The following TLN1 variants were observed in gnomAD, a reference collection of about 807,000 sequenced individuals.
TLN1 encodes the protein talin-1.
TLN1 carries 56 observed loss-of-function variants against 292.3 expected under a neutral mutation model. That is an observed-to-expected ratio of 0.19 (90% CI 0.15 to 0.24). The LOEUF (loss-of-function observed/expected upper bound fraction) is 0.24, where lower values mean the gene tolerates loss of function less well. Among genes scored for constraint, TLN1 ranks in the 10% least tolerant of loss-of-function variants. TLN1 has a pLI of 1.00. For synonymous variants in TLN1, 1,119 were observed against 1,253.7 expected, an observed-to-expected ratio of 0.89 and a Z score of 2.27; for missense variants, 2,433 against 3,248.2, an observed-to-expected ratio of 0.75 and a Z score of 6.10.
chr9:35,720,209 G>A lies in TLN1; in HGVS notation c.1294C>T (p.Leu432=). 1 of 1,593,058 alleles carries A rather than the reference G, an allele frequency of 6.3e-7. No homozygotes were observed. The highest frequency in any genetic ancestry group is 8.5e-7 in the Non-Finnish European group (1 of 1,170,464). ...CCCACCCGGTTGTATTGCTGCTGCA[G>A]GACTGTTGACCTGTAGAGGGGTGAA... ...DSVSPKKSTV[L]QQQYNRVGKV... The change falls in exon 13 of 57, where the codon CTG becomes TTG. Residue 432 remains leucine (L), a synonymous_variant. Transcript: ENST00000314888.
chr9:35,705,007 G>T (rs909304), intron 43 of TLN1, among the ~76,000 whole-genome samples, 192 bp from the exon 44 acceptor site: 2,575 of 152,312 alleles, frequency 0.017, 66 homozygotes, highest in African/African-American at 0.059. Flanking sequence ...CCTACACACA[G>T]AAAATAGTAG....
In TLN1 at chr9:35,713,289, A is replaced by C; in HGVS notation, c.3259T>G (p.Cys1087Gly). The C allele has an allele frequency of 1.3e-6, 2 of 1,589,500 alleles. No individual in the cohort carries two copies. The highest frequency in any genetic ancestry group is 1.7e-6 in the Non-Finnish European group (2 of 1,159,642). ...KPLPGETMEK[C>G]TQDLGNSTKA... ...GTGCTGTTGCCCAGGTCCTGGGTAC[A>C]CTTCTCCATCTAAGGATGAAGGGGG... The change falls in exon 26 of 57, where the codon TGT (cysteine) becomes GGT (glycine). Residue 1087 changes from cysteine (C) to glycine (G), a missense_variant. Physicochemically the swap from Cys to Gly is radical, Grantham distance 159. This residue lies in a region of TLN1 where 1,384 missense variants were observed against 1,699.6 expected (regional missense o/e 0.81). Coordinates refer to ENST00000314888, the MANE Select transcript of TLN1 (RefSeq NM_006289.4).
At chr9:35,723,237 G>T (rs10814273) in intron 7 of TLN1, 66,429 of 250,406 alleles carry the variant, frequency 0.27, 9,353 homozygotes, top group Admixed American at 0.3. Flanking sequence ...GAGTAGCTGG[G>T]ATTACAGGCA....
At position 35,708,400 on chromosome 9, in the gene TLN1, T is replaced by G. The variant is rs1302104297; in HGVS notation, c.4411A>C (p.Asn1471His). Reference protein sequence around the residue: ...LVEPTQFARANQAIQMACQSL... With the variant: ...LVEPTQFARAHQAIQMACQSL... ...TGGCAGGCCATCTGAATTGCCTGGTTTGCACGGGCAAACTGTGTGGGCTCC... is the reference window on the plus strand; with the variant it reads ...TGGCAGGCCATCTGAATTGCCTGGTGTGCACGGGCAAACTGTGTGGGCTCC... Residue 1471 changes from asparagine (N) to histidine (H), a missense_variant, in exon 34 of 57, where the codon AAC (asparagine) becomes CAC (histidine). By Grantham distance (68) the Asn-to-His change is moderately conservative. This residue lies in a region of TLN1 where 1,384 missense variants were observed against 1,699.6 expected (regional missense o/e 0.81). Coordinates refer to ENST00000314888, the MANE Select transcript of TLN1 (RefSeq NM_006289.4). 6.2e-7 allele frequency: 1 copy of G among 1,611,386 alleles called. No individual in the cohort carries two copies. Among genetic ancestry groups the G allele is most frequent in the Non-Finnish European group, 8.5e-7 (1 of 1,178,632 alleles).
rs571864328 is a variant in TLN1 at position 35,706,828 on chromosome 9, G to A, written c.5028C>T (p.Asp1676=). The A allele has an allele frequency of 2.5e-6, 4 of 1,614,018 alleles. No homozygotes were observed. The East Asian group carries it at 8.9e-5, about 36-fold the overall frequency. ...GGCTGACTGCAGCGAGGGAAGCCTG[G>A]TCTAGGTCCCGTAGACAACTGTTCA... ...AALNSCLRDL[D]QASLAAVSQQ... The change falls in exon 38 of 57, where the codon GAC becomes GAT. Residue 1676 remains aspartate, a synonymous_variant. Coordinates refer to ENST00000314888, the MANE Select transcript of TLN1 (RefSeq NM_006289.4). The surrounding 1 kb of genome is among the most constrained non-coding windows in gnomAD (Gnocchi z 4.2).
rs755284532 is a variant in TLN1, at chr9:35,713,547, G to T, written c.3250-249C>A. Among the ~76,000 whole-genome samples the T allele has an allele frequency of 2.8e-4, 42 of 152,190 alleles. 1 individual carries two copies. The highest frequency in any genetic ancestry group is 7.2e-4 in the Admixed American group (11 of 15,278). The stretch of plus-strand genomic sequence containing the variant: ...AAAAATACAAAAATTAGCCAGGCGT[G>T]GTGGTGCATGCCTGTAATCCCAGCT... On this transcript the variant is annotated intron_variant, in intron 25 of 56. Transcript: ENST00000314888.
Position 35,717,679 on chromosome 9 carries a change from T to C in TLN1, c.2103A>G (p.Gln701=), listed in dbSNP as rs879130999. The C allele has an allele frequency of 1.9e-6, 3 of 1,614,164 alleles. No homozygotes were observed. The highest frequency in any genetic ancestry group is 2.5e-6 in the Non-Finnish European group (3 of 1,179,996). Residue 701 remains glutamine (Q), a synonymous_variant, in exon 18 of 57, where the codon CAA becomes CAG. Transcript: ENST00000314888. This position sits in a 1 kb window ranked among gnomAD's most constrained non-coding sequence, Gnocchi z 4.7. The part of the protein sequence containing the change: ...QRTEDSGLQT[Q]VIAAATQCAL... ...CACACTGTGTTGCTGCAGCAATAAC[T>C]TGGGTCTGAAGTCCCGAGTCCTCTG...
intron 8 of TLN1, 79 bp from the exon 9 acceptor site, chr9:35,722,302 CGAGAGAGAATT>C: frequency 8.0e-7 from 1 of 1,254,348 alleles, no homozygotes; most frequent in Non-Finnish European, 1.2e-6. Context: ...CTAACTCTAA[CGAGAGAGAATT>C]ATGGGGACAC....
At chr9:35,722,955 G>A (rs1382919727) in intron 7 of TLN1, 34 bp from the exon 8 acceptor site, 5 of 1,603,884 alleles carry the variant, frequency 3.1e-6, no homozygotes, top group Admixed American at 3.3e-5. Context: ...GCATGTGGTA[G>A]ACAGCATCAG....
chr9:35,724,758 T>A lies in TLN1; in HGVS notation c.359-34A>T. ...GGAGATGGCTTGTTAGCTTCCCAGG[T>A]ACTGCATCCATGCCTTTTGAGAGAG... On this transcript the variant is annotated intron_variant, in intron 4 of 56. Transcript: ENST00000314888. The surrounding 1 kb of genome is among the most constrained non-coding windows in gnomAD (Gnocchi z 4.7). The A allele has an allele frequency of 6.2e-7, 1 of 1,613,910 alleles. No individual in the cohort carries two copies. Among genetic ancestry groups the A allele is most frequent in the Non-Finnish European group, 8.5e-7 (1 of 1,179,822 alleles).
intron 16 of TLN1, 79 bp from the exon 17 acceptor site, chr9:35,718,989 A>G (rs141922269): frequency 1.3e-6 from 2 of 1,597,012 alleles, no homozygotes; most frequent in African/African-American, 2.7e-5. Flanking sequence ...CACGGGACCC[A>G]GGCTTCCATC....
chr9:35,723,000 T>TATG, intron 7 of TLN1, 79 bp from the exon 8 acceptor site: 1 of 1,208,266 alleles, frequency 8.3e-7, no homozygotes, highest in Non-Finnish European at 1.2e-6. Flanking sequence ...GGCCTGGGGG[T>TATG]ATGAGGAAAT....
At chr9:35,716,284 G>A in intron 20 of TLN1, 106 bp downstream of exon 20, 3 of 1,363,294 alleles carry the variant, frequency 2.2e-6, no homozygotes, top group Non-Finnish European at 3.0e-6. Flanking sequence ...GTCCTCTTGT[G>A]TTTTCTGCTT....
chr9:35,721,086 T>C (rs1345237039), intron 10 of TLN1, among the ~76,000 whole-genome samples, 173 bp from the exon 11 acceptor site: 49 of 152,154 alleles, frequency 3.2e-4, no homozygotes. Flanking sequence ...TGGAGGGAAA[T>C]TTTTTACTTC....
chr9:35,720,884 G>A lies in TLN1; in HGVS notation c.1134C>T (p.Tyr378=). ...LDFGDYQDGY[Y]SVQTTEGEQI... is the part of the protein sequence containing the mutation. Reference sequence around the variant, plus strand: ...GCTCCCCTTCAGTTGTCTGTACTGAGTAATAGCCATCTTGGTAATCTCCAA... The same window carrying A: ...GCTCCCCTTCAGTTGTCTGTACTGAATAATAGCCATCTTGGTAATCTCCAA... Residue 378 remains tyrosine (Y), a synonymous_variant, in exon 11 of 57, where the codon TAC becomes TAT. Transcript: ENST00000314888. 6.2e-7 allele frequency: 1 copy of A among 1,614,098 alleles called. No individual in the cohort carries two copies. Among genetic ancestry groups the A allele is most frequent in the Non-Finnish European group, 8.5e-7 (1 of 1,179,940 alleles).
rs1266285255 is a variant in TLN1 at position 35,712,978 on chromosome 9, C to A, written c.3418G>T (p.Ala1140Ser). Residue 1140 changes from alanine to serine, a missense_variant, in exon 27 of 57, where the codon GCA becomes TCA. Physicochemically the swap from Ala to Ser is moderately conservative, Grantham distance 99 (BLOSUM62 1). Around this residue, in one of 7 missense-constraint regions of TLN1, gnomAD observed 1,384 missense variants for 1,699.6 expected, o/e 0.81. Transcript: ENST00000314888. ...SLAQAARGVAALTSDPAVQAI... is the reference protein window; with the variant it reads ...SLAQAARGVASLTSDPAVQAI... ...TGCACTGCAGGATCTGACGTCAGTG[C>A]AGCGACTCCCCTAGCGGCCTGGGCC... 3 of 1,610,038 alleles carry A rather than the reference C, an allele frequency of 1.9e-6. No individual in the cohort carries two copies. The highest frequency in any genetic ancestry group is 2.5e-6 in the Non-Finnish European group (3 of 1,178,914).
Position 35,698,243 on chromosome 9 carries a change from C to G in TLN1, c.7372-71G>C. ...CCAGTTGAGACAGTACCTCAATTCT[C>G]TCATAGAAACATACATCTCGGGAGT... On this transcript the variant is annotated intron_variant, in intron 55 of 56. Coordinates refer to ENST00000314888, the MANE Select transcript of TLN1 (RefSeq NM_006289.4). The surrounding 1 kb of genome is among the most constrained non-coding windows in gnomAD (Gnocchi z 5.3). The G allele has an allele frequency of 5.0e-6, 8 of 1,608,488 alleles. No homozygotes were observed. Among genetic ancestry groups the G allele is most frequent in the Non-Finnish European group, 6.8e-6 (8 of 1,175,940 alleles).
Position 35,725,214 on chromosome 9 carries a change from G to T in TLN1, c.228+10C>A. 1 of 1,613,896 alleles carries T rather than the reference G, an allele frequency of 6.2e-7. No individual in the cohort carries two copies. The highest frequency in any genetic ancestry group is 8.5e-7 in the Non-Finnish European group (1 of 1,179,802). On this transcript the variant is annotated intron_variant, in intron 3 of 56. Transcript: ENST00000314888. ...GGGGATGTGGTGGTCCTTGATGAAA[G>T]GATACTTACCCCATTTCGGAGCATG...
In TLN1 at chr9:35,704,370, C is replaced by T. The variant is rs148565704; in HGVS notation, c.6009G>A (p.Thr2003=). 117 of 1,613,972 alleles carry T rather than the reference C, an allele frequency of 7.2e-5. No homozygotes were observed. The highest frequency in any genetic ancestry group is 1.6e-4 in the Middle Eastern group (1 of 6,084). Residue 2003 remains threonine, a synonymous_variant, in exon 45 of 57, where the codon ACG becomes ACA. Transcript: ENST00000314888. The surrounding 1 kb of genome is among the most constrained non-coding windows in gnomAD (Gnocchi z 6.9). The part of the protein sequence containing the change: ...DTTIMFATAG[T]LNREGTETFA... ...AAGTTTCAGTACCCTCACGATTGAG[C>T]GTGCCAGCAGTGGCGAACATGATGG...
Sources: allele counts gnomAD v4.1 joint callset (sites outside exome capture counted in the v4.1 genomes callset), GRCh38; gene constraint gnomAD v4.1.1; regional missense constraint gnomAD v4.1.1; non-coding constraint Gnocchi (gnomAD v3.1); transcripts MANE v1.5; gene names NCBI Gene and HGNC (gene_info 2026-07-23, HGNC 2026-07-21).